Variants in CADM1 observed in about 807,000 individuals in gnomAD.
CADM1 encodes the protein TSLC-1.
CADM1 carries 15 observed loss-of-function variants against 53.1 expected under a neutral mutation model. The observed-to-expected ratio is 0.28, with a 90% CI of 0.19 to 0.44. The LOEUF (loss-of-function observed/expected upper bound fraction) is 0.44, where lower values mean the gene tolerates loss of function less well. Among genes scored for constraint, CADM1 ranks in the 20% least tolerant of loss-of-function variants. The pLI, the probability that CADM1 is intolerant of heterozygous loss-of-function variation, is 1.00. For missense variants in CADM1, 434 were observed against 611.3 expected, an observed-to-expected ratio of 0.71 and a Z score of 3.06; for synonymous variants, 281 against 243.0, an observed-to-expected ratio of 1.16 and a Z score of -1.45.
intron 1 of CADM1, among the ~76,000 whole-genome samples, chr11:115,461,969 C>G (rs117534892): frequency 6.6e-6 from 1 of 151,908 alleles, no homozygotes. Context: ...CAAAGAGAAC[C>G]CATGGAAAAA....
chr11:115,207,917 G>A (rs1229508698), intron 8 of CADM1, among the ~76,000 whole-genome samples: 1 of 152,182 alleles, frequency 6.6e-6, no homozygotes, highest in Non-Finnish European at 1.5e-5. Context: ...TTTGGCTTAC[G>A]AACTGGGTAG....
intron 1 of CADM1, among the ~76,000 whole-genome samples, chr11:115,494,160 G>A (rs1949560001): frequency 6.6e-6 from 1 of 152,096 alleles, no homozygotes; most frequent in African/African-American, 2.4e-5. Flanking sequence ...AGCAAATGGG[G>A]AAAATGTTAA....
intron 1 of CADM1, among the ~76,000 whole-genome samples, chr11:115,357,844 G>A (rs774851802): frequency 6.6e-6 from 1 of 151,878 alleles, no homozygotes; most frequent in Non-Finnish European, 1.5e-5. Flanking sequence ...TACTTAATAG[G>A]AACCTCTCAC....
intron 10 of CADM1, among the ~76,000 whole-genome samples, chr11:115,183,559 G>T (rs1939410467): frequency 6.6e-6 from 1 of 152,046 alleles, no homozygotes; most frequent in South Asian, 2.1e-4. Flanking sequence ...GAAGCCCTCG[G>T]CTACACAGAG....
chr11:115,209,514 T>C, intron 8 of CADM1, 60 bp downstream of exon 8: 1 of 1,607,108 alleles, frequency 6.2e-7, no homozygotes, highest in East Asian at 2.2e-5. Context: ...CTTCTTTTTA[T>C]ACATACCAGA....
chr11:115,417,939 T>C (rs1252860029), intron 1 of CADM1, among the ~76,000 whole-genome samples: 1 of 152,154 alleles, frequency 6.6e-6, no homozygotes, highest in Non-Finnish European at 1.5e-5. Flanking sequence ...CATTTATCCT[T>C]ATTATATTAT....
At chr11:115,400,593 C>CTTTTATATATATAATATATA (rs1451585453) in intron 1 of CADM1, among the ~76,000 whole-genome samples, 3 of 105,738 alleles carry the variant, frequency 2.8e-5, no homozygotes, top group African/African-American at 4.0e-5. Context: ...ATATATATAT[C>CTTTTATATATATAATATATA]TCTCATATAT....
At chr11:115,293,536 G>C (rs953959519) in intron 1 of CADM1, among the ~76,000 whole-genome samples, 1 of 152,094 alleles carries the variant, frequency 6.6e-6, no homozygotes, top group Non-Finnish European at 1.5e-5. Context: ...CACAGCACAT[G>C]AACAAAAAAC....
At chr11:115,408,890 C>T (rs974853420) in intron 1 of CADM1, among the ~76,000 whole-genome samples, 5 of 152,134 alleles carry the variant, frequency 3.3e-5, no homozygotes, top group Non-Finnish European at 7.4e-5. Context: ...AGATTTTGTG[C>T]TTTCTGCTGC....
At chr11:115,430,575 G>A (rs758216657) in intron 1 of CADM1, among the ~76,000 whole-genome samples, 2 of 152,138 alleles carry the variant, frequency 1.3e-5, no homozygotes, top group African/African-American at 4.8e-5. Context: ...AAAAAACAAA[G>A]GGGTTATCAA....
chr11:115,277,378 A>G (rs958085073), intron 1 of CADM1, among the ~76,000 whole-genome samples: 1 of 152,196 alleles, frequency 6.6e-6, no homozygotes, highest in African/African-American at 2.4e-5. Context: ...AATGTGCAGA[A>G]CACTATCATT....
chr11:115,236,304 A>G (rs1942009569), intron 3 of CADM1, among the ~76,000 whole-genome samples: 1 of 152,198 alleles, frequency 6.6e-6, no homozygotes, highest in African/African-American at 2.4e-5. Context: ...TACGAGTATC[A>G]GTGGAAATTG....
chr11:115,422,406 C>T (rs896221830), intron 1 of CADM1, among the ~76,000 whole-genome samples: 6 of 152,158 alleles, frequency 3.9e-5, no homozygotes, highest in African/African-American at 7.2e-5. Flanking sequence ...TACAACTCCC[C>T]AGAAAGCCAC....
intron 1 of CADM1, among the ~76,000 whole-genome samples, chr11:115,447,827 G>T (rs577976010): frequency 6.6e-6 from 1 of 152,320 alleles, no homozygotes; most frequent in East Asian, 1.9e-4. Context: ...CAGCACCACA[G>T]CAACTTCTCT....
At chr11:115,423,051 G>A (rs2135274888) in intron 1 of CADM1, among the ~76,000 whole-genome samples, 1 of 151,248 alleles carries the variant, frequency 6.6e-6, no homozygotes, top group South Asian at 2.1e-4. Context: ...TAATGTTTGT[G>A]CATTTTTAAT....
At chr11:115,450,259 G>A (rs1482027760) in intron 1 of CADM1, among the ~76,000 whole-genome samples, 1 of 152,120 alleles carries the variant, frequency 6.6e-6, no homozygotes, top group African/African-American at 2.4e-5. Context: ...TAAAATACTG[G>A]TCCGCACAGG....
At position 115,174,394 on chromosome 11, in the gene CADM1, C is replaced by A; in HGVS notation, c.*2080G>T. The A allele has an allele frequency of 5.1e-6, 5 of 985,422 alleles. No homozygotes were observed. The highest frequency in any genetic ancestry group is 6.0e-6 in the Non-Finnish European group (5 of 829,898). The allele number at this position is 985,422 out of a possible 1,614,324, so 61.0% of individuals were successfully genotyped here. A position where few individuals can be genotyped will look rare whatever the true frequency, so the allele number is the denominator to read the frequency against. On this transcript the variant is annotated 3_prime_UTR_variant, in exon 12 of 12. Coordinates refer to ENST00000331581, the MANE Select transcript of CADM1 (RefSeq NM_001301043.2). ...GATTATACTATGGTCGGAATGGGTG[C>A]TAAGGGCTCGGAATAGAGCTGCAGA...
At chr11:115,265,817 C>CCCCT (rs1943117728) in intron 1 of CADM1, among the ~76,000 whole-genome samples, 1 of 152,184 alleles carries the variant, frequency 6.6e-6, no homozygotes, top group Non-Finnish European at 1.5e-5. Flanking sequence ...TTTCTCACCA[C>CCCCT]CCCTCCCCTC....
chr11:115,378,865 C>G (rs1228218015), intron 1 of CADM1, among the ~76,000 whole-genome samples: 1 of 152,210 alleles, frequency 6.6e-6, no homozygotes, highest in African/African-American at 2.4e-5. Flanking sequence ...CTACCTTGCC[C>G]TCTACAGAAA....
Sources: allele counts gnomAD v4.1 joint callset (sites outside exome capture counted in the v4.1 genomes callset), GRCh38; gene constraint gnomAD v4.1.1; transcripts MANE v1.5; gene names NCBI Gene and HGNC (gene_info 2026-07-23, HGNC 2026-07-21).